CTNS: variants seen among roughly 807,000 people sequenced by gnomAD.
CTNS encodes cystinosin.
In CTNS, 27 loss-of-function variants were observed where a neutral mutation model predicts 43.7. The ratio of observed to expected loss-of-function variants is 0.62; its 90% CI spans 0.46 to 0.85. The LOEUF (loss-of-function observed/expected upper bound fraction) is 0.85, where lower values mean the gene tolerates loss of function less well. Ranked by LOEUF, CTNS falls within the 40% of genes least tolerant of loss-of-function variation. The pLI is 0.00. For missense variants in CTNS, 457 were observed against 475.4 expected, an observed-to-expected ratio of 0.96 and a Z score of 0.36; for synonymous variants, 187 against 190.6, an observed-to-expected ratio of 0.98 and a Z score of 0.16.
intron 9 of CTNS, chr17:3,657,022 G>C (rs977986376): frequency 3.2e-6 from 2 of 621,018 alleles, no homozygotes; most frequent in South Asian, 1.8e-5. Context: ...GCTGAGAGCC[G>C]TGCACAGAGG....
At chr17:3,647,080 G>A (rs1298680079) in intron 3 of CTNS, among the ~76,000 whole-genome samples, 1 of 152,218 alleles carries the variant, frequency 6.6e-6, no homozygotes, top group African/African-American at 2.4e-5. Context: ...CATCTGAAGA[G>A]GTGGTTCACG....
At chr17:3,652,699 C>T (rs990086433) in intron 5 of CTNS, among the ~76,000 whole-genome samples, 3 of 152,200 alleles carry the variant, frequency 2.0e-5, no homozygotes, top group Non-Finnish European at 2.9e-5. Context: ...GACTGATTTT[C>T]TCCCTGCCTA....
In CTNS at chr17:3,656,714, C is replaced by T. The variant is rs577044481; in HGVS notation, c.600C>T (p.Pro200=). 1.2e-5 allele frequency: 19 copies of T among 1,613,412 alleles called. No homozygotes were observed. The highest frequency in any genetic ancestry group is 1.7e-4 in the Middle Eastern group (1 of 6,060). ...FLLKYPNGVN[P]VNSNDVFFSL... is the part of the protein sequence containing the mutation. ...TCAAATACCCCAACGGAGTGAACCC[C>T]GTGAACAGCAACGACGTCTTCTTCA... Residue 200 remains proline, a synonymous_variant, in exon 9 of 12, where the codon CCC becomes CCT. Coordinates refer to ENST00000046640, the MANE Select transcript of CTNS (RefSeq NM_004937.3).
In CTNS at chr17:3,655,357, C is replaced by G. The variant is rs1403183683; in HGVS notation, c.461+5C>G. Reference sequence around the variant, plus strand: ...CATGAATTGGAGGCGGAAAAGGTAACCCCCTGGGCCGTATGTGCAGGCTCT... The same window carrying G: ...CATGAATTGGAGGCGGAAAAGGTAAGCCCCTGGGCCGTATGTGCAGGCTCT... On this transcript the variant is annotated splice_donor_5th_base_variant and intron_variant, in intron 7 of 11. Transcript: ENST00000046640. The G allele has an allele frequency of 5.6e-6, 9 of 1,613,822 alleles. No homozygotes were observed. In the South Asian group the frequency reaches 9.9e-5, roughly 18 times the overall value.
At chr17:3,640,359 A>T (rs1878892871) in intron 3 of CTNS, 92 bp downstream of exon 3, 1 of 1,334,668 alleles carries the variant, frequency 7.5e-7, no homozygotes, top group African/African-American at 1.4e-5. Flanking sequence ...AAGGGTTTAG[A>T]ATCATTCAGA....
rs139453840 is a variant in CTNS at position 3,655,149 on chromosome 17, C to A, written c.329+48C>A. The A allele has an allele frequency of 2.2e-4, 350 of 1,613,994 alleles. 1 individual carries two copies. In the African/African-American group the frequency reaches 4.3e-3, roughly 20 times the overall value. ...GGGCCTCACGTGACAAGAAGGGGGCCGTGCTGGGCACGTGGGAGTCTCCTT... is the reference window on the plus strand; with the variant it reads ...GGGCCTCACGTGACAAGAAGGGGGCAGTGCTGGGCACGTGGGAGTCTCCTT... On this transcript the variant is annotated intron_variant, in intron 6 of 11. Transcript: ENST00000046640.
At chr17:3,656,439 C>T in intron 7 of CTNS, 48 bp from the exon 8 acceptor site, 2 of 1,268,352 alleles carry the variant, frequency 1.6e-6, no homozygotes, top group South Asian at 1.3e-5. Context: ...CCCTCCACCC[C>T]TGCCAGTCTT....
intron 5 of CTNS, among the ~76,000 whole-genome samples, chr17:3,654,644 A>C (rs529191194): frequency 8.8e-5 from 13 of 147,026 alleles, no homozygotes; most frequent in Admixed American, 2.1e-4. Flanking sequence ...TCACTCCACT[A>C]CACTCCAGCC....
At position 3,655,356 on chromosome 17, in the gene CTNS, AC is replaced by A; in HGVS notation, c.461+9del. ...TCATGAATTGGAGGCGGAAAAGGTAACCCCCTGGGCCGTATGTGCAGGCTCT... is the reference window on the plus strand; with the variant it reads ...TCATGAATTGGAGGCGGAAAAGGTAACCCCTGGGCCGTATGTGCAGGCTCT... On this transcript the variant is annotated splice_donor_5th_base_variant and intron_variant, in intron 7 of 11. Coordinates refer to ENST00000046640, the MANE Select transcript of CTNS (RefSeq NM_004937.3). 1 of 1,613,508 alleles carries A rather than the reference AC, an allele frequency of 6.2e-7. No homozygotes were observed. The highest frequency in any genetic ancestry group is 8.5e-7 in the Non-Finnish European group (1 of 1,179,890).
chr17:3,649,025 C>G (rs773320692), intron 5 of CTNS, 94 bp downstream of exon 5: 21 of 1,056,520 alleles, frequency 2.0e-5, no homozygotes, highest in Non-Finnish European at 2.9e-5. Flanking sequence ...CCTAGGCGGC[C>G]CCTGTTCCAT....
chr17:3,640,860 C>T (rs2075668338), intron 3 of CTNS, among the ~76,000 whole-genome samples: 2 of 152,124 alleles, frequency 1.3e-5, no homozygotes, highest in African/African-American at 2.4e-5. Flanking sequence ...GTTATGATCA[C>T]ACTACTGCAC....
intron 11 of CTNS, 73 bp downstream of exon 11, chr17:3,660,048 C>A: frequency 1.4e-6 from 2 of 1,467,212 alleles, no homozygotes; most frequent in South Asian, 1.1e-5. Context: ...CCGGGACCTT[C>A]CAGCCAGGGC....
intron 9 of CTNS, among the ~76,000 whole-genome samples, chr17:3,657,099 G>A (rs911974827): frequency 2.6e-5 from 4 of 151,270 alleles, no homozygotes; most frequent in Admixed American, 6.6e-5. Context: ...GGAGGGCACA[G>A]AAGGGAGGAG....
At chr17:3,636,911 G>A (rs960536214) in intron 1 of CTNS, 80 bp downstream of exon 1, 1 of 152,304 alleles carries the variant, frequency 6.6e-6, no homozygotes, top group African/African-American at 2.4e-5. Context: ...CCTGCCGGGG[G>A]TCCAGCGCCC....
Position 3,655,253 on chromosome 17 carries a change from G to C in CTNS, c.362G>C (p.Ser121Thr). 3 of 1,614,240 alleles carry C rather than the reference G, an allele frequency of 1.9e-6. No individual in the cohort carries two copies. The highest frequency in any genetic ancestry group is 2.5e-6 in the Non-Finnish European group (3 of 1,180,046). ...PRIRFLVIRS[S>T]AISIINQVIG... ...ATACGCTTTCTTGTGATCCGCAGCA[G>C]CGCCATTAGCATCATAAACCAGGTG... Residue 121 changes from serine (S) to threonine (T), a missense_variant, in exon 7 of 12, where the codon AGC (serine) becomes ACC (threonine). By Grantham distance (58) the Ser-to-Thr change is moderately conservative. Coordinates refer to ENST00000046640, the MANE Select transcript of CTNS (RefSeq NM_004937.3).
chr17:3,638,392 C>T (rs1597590941), intron 2 of CTNS, among the ~76,000 whole-genome samples: 1 of 152,104 alleles, frequency 6.6e-6, no homozygotes, highest in Non-Finnish European at 1.5e-5. Context: ...CACATGCCAC[C>T]ACGCCTGGCT....
intron 2 of CTNS, among the ~76,000 whole-genome samples, chr17:3,637,930 G>T (rs2075578587): frequency 6.6e-6 from 1 of 152,126 alleles, no homozygotes; most frequent in African/African-American, 2.4e-5. Flanking sequence ...CACTATTTGT[G>T]TACCCTCTCC....
At chr17:3,658,342 C>T (rs947335078) in intron 10 of CTNS, among the ~76,000 whole-genome samples, 167 bp downstream of exon 10, 1 of 152,146 alleles carries the variant, frequency 6.6e-6, no homozygotes, top group Non-Finnish European at 1.5e-5. Context: ...GGCCAGCCTG[C>T]CGCTCTTCCC....
intron 5 of CTNS, 89 bp from the exon 6 acceptor site, chr17:3,654,909 G>C: frequency 1.1e-6 from 1 of 944,756 alleles, no homozygotes; most frequent in Non-Finnish European, 1.8e-6. Context: ...GCGTCCCTCC[G>C]TTCCCTAGCG....
Sources: gnomAD v4.1 joint callset for allele counts (sites outside exome capture counted in the v4.1 genomes callset) on GRCh38, gnomAD v4.1.1 for gene constraint, MANE v1.5 for transcripts, NCBI Gene and HGNC (gene_info 2026-07-23, HGNC 2026-07-21) for gene names.